Variants in ZNF827 observed in about 807,000 individuals in gnomAD.
ZNF827 encodes the protein zinc finger protein 827.
A neutral mutation model predicts 102.4 loss-of-function variants in ZNF827; 13 were observed. The ratio of observed to expected loss-of-function variants is 0.13; its 90% confidence interval spans 0.08 to 0.20. The LOEUF (loss-of-function observed/expected upper bound fraction) is 0.20. ZNF827 is among the 10% of genes least tolerant of loss of function. ZNF827 has a pLI of 1.00. For synonymous variants in ZNF827, 523 were observed against 536.2 expected, an observed-to-expected ratio of 0.98 and a Z score of 0.34; for missense variants, 1,103 against 1,344.4, an observed-to-expected ratio of 0.82 and a Z score of 2.81.
Position 145,823,460 on chromosome 4 carries a change from G to A in ZNF827, c.2345C>T (p.Pro782Leu). The A allele has an allele frequency of 6.2e-7, 1 of 1,613,966 alleles. No individual in the cohort carries two copies. Among genetic ancestry groups the A allele is most frequent in the Non-Finnish European group, 8.5e-7 (1 of 1,179,988 alleles). The change falls in exon 8 of 15, where the codon CCC (proline) becomes CTC (leucine). Residue 782 changes from proline to leucine, a missense_variant. Physicochemically the swap from Pro to Leu is moderately conservative, Grantham distance 98. Transcript: ENST00000508784. ...PFTSNSKELL[P>L]SDSVLHGRIS... ...TCTTCCGTGCAGCACGGAGTCACTG[G>A]GCAGCAGTTCTTTTGAATTGGAGGT...
chr4:145,795,544 C>T (rs1428487874), intron 8 of ZNF827, among the ~76,000 whole-genome samples: 2 of 152,242 alleles, frequency 1.3e-5, no homozygotes, highest in Non-Finnish European at 2.9e-5. Flanking sequence ...GAATCAATGG[C>T]ATTCTAACAT....
At chr4:145,808,317 T>C (rs1251579438) in intron 8 of ZNF827, among the ~76,000 whole-genome samples, 1 of 152,128 alleles carries the variant, frequency 6.6e-6, no homozygotes, top group African/African-American at 2.4e-5. Flanking sequence ...ACTCCCTCAT[T>C]ATCCTGTTTC....
chr4:145,822,469 C>T (rs1031709492), intron 8 of ZNF827, among the ~76,000 whole-genome samples: 1 of 152,198 alleles, frequency 6.6e-6, no homozygotes, highest in Non-Finnish European at 1.5e-5. Context: ...TAAAACAGGG[C>T]TCCTTGAGTA....
chr4:145,882,290 C>G (rs1010984920), intron 4 of ZNF827, among the ~76,000 whole-genome samples: 11 of 152,144 alleles, frequency 7.2e-5, no homozygotes, highest in South Asian at 2.1e-4. Flanking sequence ...CAGTCTAAAC[C>G]GTGGGTGAAA....
intron 7 of ZNF827, among the ~76,000 whole-genome samples, chr4:145,830,018 C>T (rs1029623196): frequency 2.6e-5 from 4 of 152,238 alleles, no homozygotes; most frequent in South Asian, 2.1e-4. Flanking sequence ...CCAAAAGCCA[C>T]GAGAAAAGGC....
At chr4:145,774,831 T>A (rs937465306) in intron 10 of ZNF827, among the ~76,000 whole-genome samples, 159 bp from the exon 11 acceptor site, 1 of 152,194 alleles carries the variant, frequency 6.6e-6, no homozygotes, top group African/African-American at 2.4e-5. Context: ...TTCTTCTGCT[T>A]TCTGGGATGC....
At chr4:145,877,798 A>G (rs1749271904) in intron 4 of ZNF827, among the ~76,000 whole-genome samples, 2 of 152,236 alleles carry the variant, frequency 1.3e-5, no homozygotes, top group African/African-American at 2.4e-5. Flanking sequence ...TGCCATCTGC[A>G]GTAACCCACT....
chr4:145,769,792 C>A (rs773812960), intron 11 of ZNF827, among the ~76,000 whole-genome samples: 4 of 152,160 alleles, frequency 2.6e-5, no homozygotes, highest in East Asian at 1.9e-4. Context: ...CACATTAGGA[C>A]AACCAGCTGA....
intron 5 of ZNF827, among the ~76,000 whole-genome samples, chr4:145,861,910 TA>T (rs1452824262): frequency 6.6e-6 from 1 of 152,100 alleles, no homozygotes; most frequent in African/African-American, 2.4e-5. Flanking sequence ...GAGATGATAA[TA>T]AAACAAGAGC....
chr4:145,938,622 C>CTTTT lies in ZNF827; in HGVS notation c.-219_-216dup. 1.2e-5 allele frequency: 5 copies of CTTTT among 421,026 alleles called. No individual in the cohort carries two copies. Among genetic ancestry groups the CTTTT allele is most frequent in the Non-Finnish European group, 2.1e-5 (5 of 234,632 alleles). 26.1% of individuals were successfully genotyped at this position (421,026 alleles called of 1,614,324 possible). Reference sequence around the variant, plus strand: ...CTTCTTTTCTTTCCTTTCTTTTTTCCTTTTTTTTTTTTTTTTAAATTTTTG... The same window carrying CTTTT: ...CTTCTTTTCTTTCCTTTCTTTTTTCCTTTTTTTTTTTTTTTTTTTTAAATTTTTG... On this transcript the variant is annotated 5_prime_UTR_variant, in exon 1 of 15. Coordinates refer to ENST00000508784, the MANE Select transcript of ZNF827 (RefSeq NM_001306215.2).
chr4:145,763,930 G>C lies in ZNF827; in HGVS notation c.3231-808C>G, dbSNP rs1056751757. 6.6e-6 allele frequency among the ~76,000 whole-genome samples: 1 copy of C among 152,000 alleles called. No individual in the cohort carries two copies. Among genetic ancestry groups the C allele is most frequent in the Non-Finnish European group, 1.5e-5 (1 of 68,004 alleles). ...GTTGTTCCCTGACTCTTCTATGTGG[G>C]GGAGTTTTTGAGGAGGCAGGGGCCT... On this transcript the variant is annotated intron_variant, in intron 13 of 14. Transcript: ENST00000508784. The surrounding 1 kb of genome is among the most constrained non-coding windows in gnomAD (Gnocchi z 4.6).
intron 9 of ZNF827, 85 bp downstream of exon 9, chr4:145,779,289 T>C (rs2126972703): frequency 6.7e-7 from 1 of 1,500,762 alleles, no homozygotes; most frequent in Non-Finnish European, 8.9e-7. Flanking sequence ...CTGTAATGCC[T>C]CTCTTAGAGA....
At chr4:145,911,422 T>C (rs1161822057) in intron 1 of ZNF827, among the ~76,000 whole-genome samples, 1 of 152,196 alleles carries the variant, frequency 6.6e-6, no homozygotes, top group Non-Finnish European at 1.5e-5. Flanking sequence ...TATAAAAATA[T>C]CTAGCACAAT....
At chr4:145,876,543 C>T (rs894062776) in intron 4 of ZNF827, 3 of 152,182 alleles carry the variant, frequency 2.0e-5, no homozygotes, top group African/African-American at 7.2e-5. Context: ...GAGCACATAA[C>T]ATGAGCTGGG....
chr4:145,853,842 G>A (rs1490871585), intron 5 of ZNF827, among the ~76,000 whole-genome samples: 5 of 151,826 alleles, frequency 3.3e-5, no homozygotes, highest in African/African-American at 4.8e-5. Flanking sequence ...GCACATGCTT[G>A]TAGTCCCAGC....
intron 7 of ZNF827, chr4:145,835,417 C>G (rs1744713745): frequency 6.6e-6 from 1 of 151,556 alleles, no homozygotes; most frequent in Non-Finnish European, 1.5e-5. Flanking sequence ...TTCTAAACCT[C>G]TTAAAACTCC....
chr4:145,899,634 G>A (rs1356247947), intron 2 of ZNF827, among the ~76,000 whole-genome samples: 4 of 152,142 alleles, frequency 2.6e-5, no homozygotes, highest in African/African-American at 9.7e-5. Context: ...ATATTTTTCG[G>A]GTAACAATTT....
chr4:145,849,521 C>T lies in ZNF827; in HGVS notation c.2022G>A (p.Glu674=). Residue 674 remains glutamate, a synonymous_variant, in exon 6 of 15, where the codon GAG becomes GAA. Transcript: ENST00000508784. Reference sequence around the variant, plus strand: ...CCTGGATGTCAACCTCCATGGGTTCCTCTTTAATCTTCACCATCTGTGTTT... The same window carrying T: ...CCTGGATGTCAACCTCCATGGGTTCTTCTTTAATCTTCACCATCTGTGTTT... ...YKETQMVKIK[E]EPMEVDIQDS... The T allele has an allele frequency of 1.2e-6, 2 of 1,614,180 alleles. No individual in the cohort carries two copies. The highest frequency in any genetic ancestry group is 1.7e-6 in the Non-Finnish European group (2 of 1,180,028).
intron 3 of ZNF827, among the ~76,000 whole-genome samples, chr4:145,886,713 T>G (rs759979472): frequency 6.6e-6 from 1 of 151,330 alleles, no homozygotes; most frequent in South Asian, 2.1e-4. Context: ...AATAAATGGA[T>G]TGAGCGAAAT....
Sources: gnomAD v4.1 joint callset for allele counts (sites outside exome capture counted in the v4.1 genomes callset) on GRCh38, gnomAD v4.1.1 for gene constraint, Gnocchi (gnomAD v3.1) non-coding constraint, MANE v1.5 for transcripts, NCBI Gene and HGNC (gene_info 2026-07-23, HGNC 2026-07-21) for gene names.